The following TOPAZ1 variants were observed in gnomAD, a reference collection of about 807,000 sequenced individuals.
The protein encoded by TOPAZ1 is protein TOPAZ1.
A neutral mutation model predicts 172.2 loss-of-function variants in TOPAZ1; 66 were observed. The ratio of observed to expected loss-of-function variants is 0.38; its 90% CI spans 0.31 to 0.47. The LOEUF (loss-of-function observed/expected upper bound fraction) is 0.47, where lower values mean the gene tolerates loss of function less well. TOPAZ1 is among the 20% of genes least tolerant of loss of function. The pLI is 0.99. For synonymous variants in TOPAZ1, 681 were observed against 683.9 expected, an observed-to-expected ratio of 1.00 and a Z score of 0.07; for missense variants, 1,822 against 1,972.4, an observed-to-expected ratio of 0.92 and a Z score of 1.44.
intron 6 of TOPAZ1, 90 bp downstream of exon 6, chr3:44,267,226 A>G (rs1458147924): frequency 1.8e-6 from 2 of 1,122,180 alleles, no homozygotes; most frequent in Admixed American, 3.5e-5. Flanking sequence ...AACGATTAAA[A>G]AAGAAAAATG....
chr3:44,294,186 G>A (rs1216648144), intron 12 of TOPAZ1, among the ~76,000 whole-genome samples: 4 of 151,934 alleles, frequency 2.6e-5, no homozygotes, highest in Non-Finnish European at 5.9e-5. Flanking sequence ...GTGGCAGTGA[G>A]CCAAGATCGT....
rs1343785862 is a variant in TOPAZ1, at chr3:44,242,857, G to C, written c.351G>C (p.Lys117Asn). ...ATATTTTGTTGTTTTGATCAGCCAAGGAAAAAAGAAAAGTTACTGAAGCCT... is the reference window on the plus strand; with the variant it reads ...ATATTTTGTTGTTTTGATCAGCCAACGAAAAAAGAAAAGTTACTGAAGCCT... ...ELPLQTERHT[K>N]EKRKVTEASS... is the part of the protein sequence containing the mutation. Residue 117 changes from lysine to asparagine, a missense_variant, in exon 2 of 20, where the codon AAG becomes AAC. Lys to Asn is a moderately conservative substitution (Grantham distance 94). Coordinates refer to ENST00000309765, the MANE Select transcript of TOPAZ1 (RefSeq NM_001145030.2). 1.3e-6 allele frequency: 2 copies of C among 1,497,008 alleles called. No homozygotes were observed. Among genetic ancestry groups the C allele is most frequent in the Non-Finnish European group, 1.8e-6 (2 of 1,127,520 alleles). 92.7% of individuals were successfully genotyped at this position (1,497,008 alleles called of 1,614,324 possible).
chr3:44,245,243 G>A lies in TOPAZ1; in HGVS notation c.2737G>A (p.Val913Ile). ...STDSKYMETP[V>I]KKEPSDDLRE... ...AGACTCCAAGTACATGGAAACTCCA[G>A]TAAAAAAAGAACCAAGTGATGACTT... Residue 913 changes from valine (V) to isoleucine (I), a missense_variant, in exon 2 of 20, where the codon GTA becomes ATA. By Grantham distance (29) the Val-to-Ile change is conservative. This residue lies in a region of TOPAZ1 where 1,489 missense variants were observed against 1,490.8 expected (regional missense o/e 1.00). Transcript: ENST00000309765. 6.5e-7 allele frequency: 1 copy of A among 1,538,876 alleles called. No individual in the cohort carries two copies. The highest frequency in any genetic ancestry group is 8.7e-7 in the Non-Finnish European group (1 of 1,143,034).
chr3:44,290,189 C>T (rs1700121369), intron 11 of TOPAZ1, among the ~76,000 whole-genome samples: 2 of 152,192 alleles, frequency 1.3e-5, no homozygotes, highest in African/African-American at 2.4e-5. Flanking sequence ...AGGCCTGCCT[C>T]TCATTCATCT....
intron 16 of TOPAZ1, among the ~76,000 whole-genome samples, chr3:44,320,768 T>G (rs1349739992): frequency 6.6e-6 from 1 of 152,164 alleles, no homozygotes. Context: ...TTAAAATTAG[T>G]AATTGACTAG....
intron 11 of TOPAZ1, among the ~76,000 whole-genome samples, chr3:44,288,105 T>G (rs906116559): frequency 6.6e-6 from 1 of 152,168 alleles, no homozygotes; most frequent in Non-Finnish European, 1.5e-5. Flanking sequence ...GTAAGGATGA[T>G]TAAATAAAAT....
In TOPAZ1 at chr3:44,243,271, A is replaced by G. The variant is rs777493211; in HGVS notation, c.765A>G (p.Val255=). The G allele has an allele frequency of 1.4e-5, 21 of 1,551,484 alleles. No individual in the cohort carries two copies. The highest frequency in any genetic ancestry group is 1.7e-6 in the Non-Finnish European group (2 of 1,146,958). ...AACCTGATGGTGGATGTATGCATGT[A>G]GCAGAAAATTTCTCAAAGAAAGAAA... ...PYKPDGGCMH[V]AENFSKKENL... Residue 255 remains valine, a synonymous_variant, in exon 2 of 20, where the codon GTA becomes GTG. Transcript: ENST00000309765.
At chr3:44,319,426 C>T (rs1419294232) in intron 16 of TOPAZ1, among the ~76,000 whole-genome samples, 2 of 152,008 alleles carry the variant, frequency 1.3e-5, no homozygotes, top group African/African-American at 4.8e-5. Context: ...AAAAATGATG[C>T]AATTTTTATG....
intron 15 of TOPAZ1, among the ~76,000 whole-genome samples, chr3:44,309,595 T>G (rs1249566495): frequency 1.3e-5 from 2 of 152,150 alleles, no homozygotes; most frequent in Non-Finnish European, 2.9e-5. Context: ...TCTGGTGGTA[T>G]TGGTGGGAAG....
rs1559521869 is a variant in TOPAZ1, at chr3:44,243,582, T to C, written c.1076T>C (p.Met359Thr). 6.4e-7 allele frequency: 1 copy of C among 1,550,988 alleles called. No individual in the cohort carries two copies. The highest frequency in any genetic ancestry group is 2.4e-5 in the East Asian group (1 of 40,908). ...FSNEYNKSEL[M>T]LQENQMIADG... ...AATGAGTATAACAAGTCTGAGTTGA[T>C]GTTGCAAGAAAATCAAATGATTGCT... Residue 359 changes from methionine (M) to threonine (T), a missense_variant, in exon 2 of 20, where the codon ATG (methionine) becomes ACG (threonine). Physicochemically the swap from Met to Thr is moderately conservative, Grantham distance 81. Around this residue, in one of 2 missense-constraint regions of TOPAZ1, gnomAD observed 1,489 missense variants for 1,490.8 expected, o/e 1.00. Coordinates refer to ENST00000309765, the MANE Select transcript of TOPAZ1 (RefSeq NM_001145030.2).
At chr3:44,325,474 C>G (rs1700589648) in intron 18 of TOPAZ1, among the ~76,000 whole-genome samples, 1 of 152,154 alleles carries the variant, frequency 6.6e-6, no homozygotes, top group African/African-American at 2.4e-5. Flanking sequence ...TCAACACCTC[C>G]AGAAAAAGAA....
intron 16 of TOPAZ1, among the ~76,000 whole-genome samples, chr3:44,314,775 T>A (rs1240371826): frequency 6.6e-6 from 1 of 152,174 alleles, no homozygotes; most frequent in African/African-American, 2.4e-5. Flanking sequence ...CACATATTGC[T>A]GGACCCACCC....
downstream of TOPAZ1, among the ~76,000 whole-genome samples, chr3:44,333,889 G>A (rs1700695926): frequency 6.6e-6 from 1 of 152,202 alleles, no homozygotes; most frequent in African/African-American, 2.4e-5. Flanking sequence ...AGAGAGGACT[G>A]AGCTCGCCAC....
At chr3:44,335,627 G>GA (rs1183479656), downstream of TOPAZ1, among the ~76,000 whole-genome samples, 133 of 150,722 alleles carry the variant, frequency 8.8e-4, no homozygotes, top group African/African-American at 2.0e-3. Flanking sequence ...CCATCTCAAA[G>GA]AAAAAAAAAT....
At chr3:44,248,520 C>A (rs1287461395) in intron 2 of TOPAZ1, among the ~76,000 whole-genome samples, 1 of 152,042 alleles carries the variant, frequency 6.6e-6, no homozygotes, top group East Asian at 1.9e-4. Flanking sequence ...TGTAGTCATC[C>A]ACAGTGCTAG....
intron 16 of TOPAZ1, among the ~76,000 whole-genome samples, chr3:44,316,981 T>C (rs1253977487): frequency 1.3e-5 from 2 of 152,220 alleles, no homozygotes; most frequent in Non-Finnish European, 2.9e-5. Flanking sequence ...GTCTATCCTC[T>C]CTCCACTTGT....
chr3:44,257,451 T>C (rs1699725408), intron 4 of TOPAZ1, among the ~76,000 whole-genome samples: 1 of 114,780 alleles, frequency 8.7e-6, no homozygotes. Context: ...TGTGTGTATC[T>C]ATTTTATATA....
chr3:44,323,049 T>A (rs1700558205), intron 17 of TOPAZ1, 43 bp from the exon 18 acceptor site: 1 of 1,373,656 alleles, frequency 7.3e-7, no homozygotes, highest in Non-Finnish European at 9.9e-7. Flanking sequence ...TTTGAGACAC[T>A]TTAATATAAA....
At chr3:44,324,877 A>G (rs1286484531) in intron 18 of TOPAZ1, among the ~76,000 whole-genome samples, 1 of 152,154 alleles carries the variant, frequency 6.6e-6, no homozygotes, top group Non-Finnish European at 1.5e-5. Context: ...CAGTGTGTTA[A>G]AGCAATTAAT....
Sources: gnomAD v4.1 joint callset for allele counts (sites outside exome capture counted in the v4.1 genomes callset) on GRCh38, gnomAD v4.1.1 for gene constraint, gnomAD v4.1.1 regional missense constraint, MANE v1.5 for transcripts, NCBI Gene and HGNC (gene_info 2026-07-23, HGNC 2026-07-21) for gene names.